The following PDE1C variants were observed in gnomAD, a reference collection of about 807,000 sequenced individuals.
PDE1C encodes phosphodiesterase 1C, also known as dual specificity calcium/calmodulin-dependent 3',5'-cyclic nucleotide phosphodiesterase 1C.
Under a neutral mutation model 93.1 loss-of-function variants are expected in PDE1C, and 62 were observed. That is an observed-to-expected ratio of 0.67 (90% CI 0.54 to 0.82). PDE1C has a LOEUF of 0.82. PDE1C is among the 40% of genes least tolerant of loss of function. The pLI, the probability that PDE1C is intolerant of heterozygous loss-of-function variation, is 0.00. For missense variants in PDE1C, 742 were observed against 884.6 expected, an observed-to-expected ratio of 0.84 and a Z score of 2.04; for synonymous variants, 325 against 310.1, an observed-to-expected ratio of 1.05 and a Z score of -0.50.
At chr7:32,394,513 TAA>T (rs1397711068) in intron 1 of PDE1C, among the ~76,000 whole-genome samples, 1 of 152,152 alleles carries the variant, frequency 6.6e-6, no homozygotes, top group African/African-American at 2.4e-5. Context: ...ACCTGGTTAT[TAA>T]AAAGAGTCTG....
the PDE1C span, among the ~76,000 whole-genome samples, chr7:31,619,993 T>C: frequency 6.6e-6 from 1 of 151,902 alleles, no homozygotes; most frequent in Non-Finnish European, 1.5e-5. Context: ...GCCCACGGAG[T>C]CTCGCTGATT....
intron 7 of PDE1C, among the ~76,000 whole-genome samples, chr7:31,855,159 A>G (rs901841329): frequency 6.6e-6 from 1 of 151,652 alleles, no homozygotes; most frequent in Non-Finnish European, 1.5e-5. Flanking sequence ...TTCTCTGGTC[A>G]GGGTATCCCA....
chr7:32,408,027 G>A (rs1326206384), intron 1 of PDE1C, among the ~76,000 whole-genome samples: 1 of 152,208 alleles, frequency 6.6e-6, no homozygotes, highest in East Asian at 1.9e-4. Context: ...ATTATCTGGA[G>A]GAGAAGGAGT....
chr7:32,086,056 G>A (rs1463073354), intron 3 of PDE1C, among the ~76,000 whole-genome samples: 1 of 151,596 alleles, frequency 6.6e-6, no homozygotes, highest in Non-Finnish European at 1.5e-5. Context: ...AAAAGAGGAA[G>A]TCAAATTGTC....
chr7:31,854,175 C>T (rs549202248), intron 7 of PDE1C, among the ~76,000 whole-genome samples: 1 of 152,052 alleles, frequency 6.6e-6, no homozygotes, highest in Non-Finnish European at 1.5e-5. Flanking sequence ...TGTTAGATGA[C>T]CTCAACACTC....
At chr7:31,838,499 C>A (rs1370688342) in intron 9 of PDE1C, among the ~76,000 whole-genome samples, 1 of 152,114 alleles carries the variant, frequency 6.6e-6, no homozygotes, top group Non-Finnish European at 1.5e-5. Flanking sequence ...GCATTTGTTA[C>A]AACTAGTGAA....
chr7:31,809,822 A>G (rs1197039637), intron 15 of PDE1C, among the ~76,000 whole-genome samples: 1 of 152,102 alleles, frequency 6.6e-6, no homozygotes, highest in Non-Finnish European at 1.5e-5. Context: ...CTCAGTCAAA[A>G]ATCTATAAAT....
intron 11 of PDE1C, among the ~76,000 whole-genome samples, chr7:31,836,908 A>C (rs1449829673): frequency 6.6e-6 from 1 of 151,850 alleles, no homozygotes; most frequent in Non-Finnish European, 1.5e-5. Context: ...AGAACCCCTC[A>C]AATGACATTT....
intron 1 of PDE1C, among the ~76,000 whole-genome samples, chr7:32,338,431 C>T (rs1311676071): frequency 1.3e-5 from 2 of 152,172 alleles, no homozygotes; most frequent in East Asian, 3.9e-4. Flanking sequence ...TATCACTACA[C>T]ACTCACTAGG....
chr7:32,365,780 A>G (rs551935040), intron 1 of PDE1C, among the ~76,000 whole-genome samples: 2 of 152,302 alleles, frequency 1.3e-5, no homozygotes, highest in African/African-American at 4.8e-5. Context: ...AAGCCACACC[A>G]CTGCTACCAG....
At chr7:32,127,034 C>T (rs1056338109) in intron 3 of PDE1C, among the ~76,000 whole-genome samples, 3 of 152,232 alleles carry the variant, frequency 2.0e-5, no homozygotes, top group East Asian at 3.9e-4. Context: ...TGTGAAAGGG[C>T]CTCATCCAAT....
intron 2 of PDE1C, among the ~76,000 whole-genome samples, chr7:32,022,174 G>A (rs1788772806): frequency 6.6e-6 from 1 of 151,086 alleles, no homozygotes; most frequent in East Asian, 2.0e-4. Flanking sequence ...GAAAGTGAGA[G>A]GAAGGAAAAA....
intron 2 of PDE1C, among the ~76,000 whole-genome samples, chr7:31,937,444 G>T (rs1396564347): frequency 1.3e-5 from 2 of 152,122 alleles, no homozygotes; most frequent in African/African-American, 4.8e-5. Flanking sequence ...TCATGTTAAT[G>T]CTGATCAATT....
At chr7:31,938,487 T>A (rs562984040) in intron 2 of PDE1C, among the ~76,000 whole-genome samples, 1 of 152,156 alleles carries the variant, frequency 6.6e-6, no homozygotes, top group African/African-American at 2.4e-5. Context: ...ATATTATTGG[T>A]AGAAAGTTCT....
chr7:31,929,446 C>T (rs1220420178), intron 2 of PDE1C, among the ~76,000 whole-genome samples: 1 of 152,158 alleles, frequency 6.6e-6, no homozygotes, highest in African/African-American at 2.4e-5. Flanking sequence ...ACCTAATAGA[C>T]ATCTACAAAA....
chr7:32,130,020 G>A (rs1799828752), intron 3 of PDE1C, among the ~76,000 whole-genome samples: 2 of 152,014 alleles, frequency 1.3e-5, no homozygotes, highest in African/African-American at 2.4e-5. Flanking sequence ...CACAATAATA[G>A]TGGAAACATA....
chr7:32,059,967 T>G (rs920118071), intron 1 of PDE1C, among the ~76,000 whole-genome samples: 1 of 152,192 alleles, frequency 6.6e-6, no homozygotes, highest in African/African-American at 2.4e-5. Flanking sequence ...TACGACCTTC[T>G]TCCTGGGAGC....
intron 2 of PDE1C, among the ~76,000 whole-genome samples, chr7:31,956,189 G>A (rs1808111536): frequency 6.6e-6 from 1 of 152,060 alleles, no homozygotes; most frequent in Non-Finnish European, 1.5e-5. Flanking sequence ...CGCCTCCCAG[G>A]TTCAAGTGAT....
At chr7:32,020,101 C>T (rs1788443422) in intron 2 of PDE1C, among the ~76,000 whole-genome samples, 1 of 152,044 alleles carries the variant, frequency 6.6e-6, no homozygotes, top group Non-Finnish European at 1.5e-5. Context: ...TGCCGGGATC[C>T]CTCAGGCTCT....
Sources: allele counts gnomAD v4.1 joint callset (sites outside exome capture counted in the v4.1 genomes callset), GRCh38; gene constraint gnomAD v4.1.1; transcripts MANE v1.5; gene names NCBI Gene and HGNC (gene_info 2026-07-23, HGNC 2026-07-21).